The following RGS6 variants were observed in gnomAD, a reference collection of about 807,000 sequenced individuals.
RGS6 encodes the protein regulator of G protein signaling 6, also known as regulator of G-protein signaling 6.
A neutral mutation model predicts 78.5 loss-of-function variants in RGS6; 30 were observed. The observed-to-expected ratio is 0.38, with a 90% confidence interval of 0.29 to 0.52. The LOEUF is 0.52. Among genes scored for constraint, RGS6 ranks in the 20% least tolerant of loss-of-function variants. The probability of loss-of-function intolerance (pLI) is 0.85; values close to 1 mark genes in which losing one functional copy is unlikely to be tolerated. For synonymous variants in RGS6, 206 were observed against 206.0 expected, an observed-to-expected ratio of 1.00 and a Z score of 0.00; for missense variants, 495 against 609.7, an observed-to-expected ratio of 0.81 and a Z score of 1.98.
rs929063566 is a variant in RGS6 at position 72,426,242 on chromosome 14, G to A, written c.185-28286G>A. Among the ~76,000 whole-genome samples, 6 of 152,248 alleles carry A rather than the reference G, an allele frequency of 3.9e-5. No individual in the cohort carries two copies. In the South Asian group the frequency reaches 6.2e-4, roughly 16 times the overall value. On this transcript the variant is annotated intron_variant, in intron 3 of 17. Coordinates refer to ENST00000553525, the MANE Select transcript of RGS6 (RefSeq NM_001204424.2). ...CTTAGAGTTAAGCAGAGCAGGTGGC[G>A]TTATTCTTCCATGACCGCACTGAGA...
chr14:72,528,293 C>A (rs2097142640), intron 15 of RGS6, among the ~76,000 whole-genome samples: 1 of 152,188 alleles, frequency 6.6e-6, no homozygotes, highest in Non-Finnish European at 1.5e-5. Context: ...TCTATTGATT[C>A]TAGTTGGTTT....
In RGS6 at chr14:72,461,755, G is replaced by T. The variant is rs60165406; in HGVS notation, c.394+2072G>T. ...AGCAGTTTAGTTAGAAAATCAGGAT[G>T]TATTTATGAAGAGAGAATCCAGCAC... is the stretch of plus-strand genomic sequence containing the variant. On this transcript the variant is annotated intron_variant, in intron 6 of 17. Coordinates refer to ENST00000553525, the MANE Select transcript of RGS6 (RefSeq NM_001204424.2). Among the ~76,000 whole-genome samples the T allele has an allele frequency of 2.6e-3, 398 of 152,264 alleles. 2 individuals are homozygous for T. Among genetic ancestry groups the T allele is most frequent in the African/African-American group, 9.3e-3 (386 of 41,536 alleles).
chr14:72,525,500 C>T (rs910652214), intron 15 of RGS6, among the ~76,000 whole-genome samples: 2 of 152,236 alleles, frequency 1.3e-5, no homozygotes, highest in Non-Finnish European at 2.9e-5. Flanking sequence ...GTCAAGTCCA[C>T]ATCCGCCATG....
intron 3 of RGS6, among the ~76,000 whole-genome samples, chr14:72,395,389 T>A (rs1051198115): frequency 7.9e-5 from 12 of 152,158 alleles, no homozygotes; most frequent in African/African-American, 2.9e-4. Context: ...AGACACACTA[T>A]AAAAATGGAA....
chr14:72,111,094 T>G (rs2153546903), intron 2 of RGS6, among the ~76,000 whole-genome samples: 2 of 152,318 alleles, frequency 1.3e-5, no homozygotes, highest in Middle Eastern at 6.8e-3. Context: ...CTGACCACCT[T>G]GGCTGACAGC....
chr14:71,983,945 CT>C (rs2094571619), intron 2 of RGS6, among the ~76,000 whole-genome samples: 1 of 152,176 alleles, frequency 6.6e-6, no homozygotes, highest in Admixed American at 6.5e-5. Flanking sequence ...TGAGCTGTTG[CT>C]TCTGACAAAG....
At chr14:72,532,619 G>T (rs1318997184) in intron 15 of RGS6, among the ~76,000 whole-genome samples, 1 of 152,210 alleles carries the variant, frequency 6.6e-6, no homozygotes, top group African/African-American at 2.4e-5. Context: ...ACAAAGAAAA[G>T]TTTATTGAAG....
intron 3 of RGS6, among the ~76,000 whole-genome samples, chr14:72,370,496 A>G (rs895340676): frequency 2.0e-5 from 3 of 152,210 alleles, no homozygotes; most frequent in African/African-American, 7.2e-5. Context: ...GAGATGAGGA[A>G]CAAGGAGGCT....
At position 72,352,198 on chromosome 14, in the gene RGS6, A is replaced by G; in HGVS notation, c.184+4A>G. 6.2e-7 allele frequency: 1 copy of G among 1,609,932 alleles called. No individual in the cohort carries two copies. The highest frequency in any genetic ancestry group is 8.5e-7 in the Non-Finnish European group (1 of 1,176,824). On this transcript the variant is annotated splice_donor_region_variant and intron_variant, in intron 3 of 17. Transcript: ENST00000553525. ...AAAATCCCCAGTGTCGTCACAGGTA[A>G]CACCCTCCTTGCAAGGTGTTGGTAA... is the stretch of plus-strand genomic sequence containing the variant.
intron 2 of RGS6, among the ~76,000 whole-genome samples, chr14:72,100,666 G>A (rs1384405516): frequency 6.6e-6 from 1 of 152,106 alleles, no homozygotes; most frequent in South Asian, 2.1e-4. Context: ...AGTTTTCCCA[G>A]CTTACTCAGT....
At chr14:71,913,834 C>T in the RGS6 span, among the ~76,000 whole-genome samples, 1 of 152,124 alleles carries the variant, frequency 6.6e-6, no homozygotes, top group Admixed American at 6.5e-5. Flanking sequence ...AATAAATATC[C>T]TTATTGTTTA....
At chr14:72,046,344 A>G (rs1391189771) in intron 2 of RGS6, among the ~76,000 whole-genome samples, 1 of 151,860 alleles carries the variant, frequency 6.6e-6, no homozygotes, top group Non-Finnish European at 1.5e-5. Flanking sequence ...GTCTATTTTA[A>G]TCTTATGTTT....
intron 12 of RGS6, among the ~76,000 whole-genome samples, chr14:72,488,359 T>C (rs943076196): frequency 2.6e-5 from 4 of 152,222 alleles, no homozygotes; most frequent in Admixed American, 1.3e-4. Context: ...ATTTCATTCA[T>C]GCTTAATGCC....
At chr14:72,583,896 GAC>G in the RGS6 span, among the ~76,000 whole-genome samples, 1 of 152,160 alleles carries the variant, frequency 6.6e-6, no homozygotes, top group Non-Finnish European at 1.5e-5. Context: ...TGCTCATGGG[GAC>G]ACAGGTGGGA....
intron 14 of RGS6, among the ~76,000 whole-genome samples, chr14:72,514,946 T>C (rs1379453170): frequency 2.0e-5 from 3 of 152,204 alleles, no homozygotes; most frequent in Non-Finnish European, 4.4e-5. Context: ...TGGCCTGGGC[T>C]CTGAGTTCCC....
At chr14:72,561,344 G>A (rs557683316) in intron 17 of RGS6, among the ~76,000 whole-genome samples, 16 of 152,242 alleles carry the variant, frequency 1.1e-4, no homozygotes, top group Middle Eastern at 6.8e-3. Flanking sequence ...CACAGATGGC[G>A]GTGGTGTCGC....
At chr14:72,077,079 A>G (rs2094604548) in intron 2 of RGS6, among the ~76,000 whole-genome samples, 1 of 151,500 alleles carries the variant, frequency 6.6e-6, no homozygotes, top group African/African-American at 2.4e-5. Flanking sequence ...AGGGCATTAG[A>G]ATTCCCTTTT....
At chr14:71,936,015 G>T (rs372684183) in intron 1 of RGS6, among the ~76,000 whole-genome samples, 8 of 63,782 alleles carry the variant, frequency 1.3e-4, no homozygotes, top group Non-Finnish European at 2.0e-4. Context: ...GAACTAATAG[G>T]ATATATATAT....
At chr14:71,903,742 A>T in the RGS6 span, among the ~76,000 whole-genome samples, 1 of 152,270 alleles carries the variant, frequency 6.6e-6, no homozygotes, top group African/African-American at 2.4e-5. Context: ...ACTTCTAAAT[A>T]TAGTGAGACT....
Sources: allele counts gnomAD v4.1 joint callset (sites outside exome capture counted in the v4.1 genomes callset), GRCh38; gene constraint gnomAD v4.1.1; transcripts MANE v1.5; gene names NCBI Gene and HGNC (gene_info 2026-07-23, HGNC 2026-07-21).